The following COL17A1 variants were observed in gnomAD, a reference collection of about 807,000 sequenced individuals.
COL17A1 encodes the protein collagen type XVII alpha 1 chain.
Under a neutral mutation model 218.4 loss-of-function variants are expected in COL17A1, and 181 were observed. The ratio of observed to expected loss-of-function variants is 0.83; its 90% CI spans 0.73 to 0.94. The LOEUF is 0.94. Among genes scored for constraint, COL17A1 ranks in the 40% least tolerant of loss-of-function variants. The pLI is 0.00. For missense variants in COL17A1, 1,924 were observed against 1,945.9 expected (o/e 0.99, Z 0.21); for synonymous variants, 721 against 731.0 (o/e 0.99, Z 0.22).
chr10:104,071,047 C>T (rs541583350), intron 8 of COL17A1, among the ~76,000 whole-genome samples: 19 of 152,276 alleles, frequency 1.2e-4, no homozygotes, highest in East Asian at 7.7e-4. Flanking sequence ...GCTGTGTTCA[C>T]GTGTGATTTA....
rs767463193 is a variant in COL17A1, at chr10:104,032,282, C to G, written c.4447G>C (p.Val1483Leu). 6 of 1,614,036 alleles carry G rather than the reference C, an allele frequency of 3.7e-6. No individual in the cohort carries two copies. The Admixed American group carries it at 1.0e-4, about 27-fold the overall frequency. Residue 1483 changes from valine to leucine, a missense_variant, in exon 56 of 56, where the codon GTC (valine) becomes CTC (leucine). Val to Leu is a conservative substitution (Grantham distance 32). Coordinates refer to ENST00000648076, the MANE Select transcript of COL17A1 (RefSeq NM_000494.4). ...KGEKGDKGDQ[V>L]YAGRRRRRSI... ...CTTCTCCTTCTCCGCCCAGCATAGA[C>G]TTGGTCACCTGAAAGTTAGAAGATC...
rs1219867828 is a variant in COL17A1 at position 104,034,277 on chromosome 10, G to A, written c.3824C>T (p.Pro1275Leu). The stretch of plus-strand genomic sequence containing the variant: ...GGACAGGAGGCGGCTGTCCCCAGGG[G>A]GTCCCTGCGGCCCAGGAGGGCCTGG... ...GPPGPPGPQG[P>L]PGDSRLLSTD... Residue 1275 changes from proline (P) to leucine (L), a missense_variant, in exon 52 of 56, where the codon CCC becomes CTC. Physicochemically the swap from Pro to Leu is moderately conservative, Grantham distance 98 (BLOSUM62 -3). Transcript: ENST00000648076. 4 of 1,593,802 alleles carry A rather than the reference G, an allele frequency of 2.5e-6. No individual in the cohort carries two copies. Among genetic ancestry groups the A allele is most frequent in the Admixed American group, 3.5e-5 (2 of 57,562 alleles).
At chr10:104,048,775 T>C (rs956150352) in intron 29 of COL17A1, among the ~76,000 whole-genome samples, 1 of 151,986 alleles carries the variant, frequency 6.6e-6, no homozygotes, top group African/African-American at 2.4e-5. Context: ...GTACACATGC[T>C]GCATCTCCAC....
At chr10:104,074,495 G>A (rs559364237) in intron 5 of COL17A1, among the ~76,000 whole-genome samples, 8 of 152,304 alleles carry the variant, frequency 5.3e-5, no homozygotes, top group South Asian at 2.1e-4. Context: ...GAGAGCAGGA[G>A]GTTTTGGTTT....
chr10:104,052,627 C>A (rs1045773969), intron 23 of COL17A1, among the ~76,000 whole-genome samples: 1 of 152,274 alleles, frequency 6.6e-6, no homozygotes, highest in Admixed American at 6.5e-5. Context: ...ATGTCTGGGG[C>A]CTTCCCCACC....
At chr10:104,037,153 A>T in intron 46 of COL17A1, 40 bp from the exon 47 acceptor site, 1 of 1,550,094 alleles carries the variant, frequency 6.5e-7, no homozygotes. Flanking sequence ...CTTAGCAGGT[A>T]CTGAAGCAAC....
intron 20 of COL17A1, 59 bp from the exon 21 acceptor site, chr10:104,054,177 A>G (rs1282697268): frequency 4.5e-6 from 7 of 1,560,874 alleles, no homozygotes; most frequent in Non-Finnish European, 6.1e-6. Flanking sequence ...CCAATTCCCA[A>G]AGCAGTCACT....
intron 41 of COL17A1, 150 bp downstream of exon 41, chr10:104,039,823 G>A: frequency 3.2e-6 from 4 of 1,241,198 alleles, no homozygotes; most frequent in Non-Finnish European, 4.7e-6. Context: ...CTACACCCAT[G>A]CACACACTCA....
intron 5 of COL17A1, among the ~76,000 whole-genome samples, chr10:104,075,927 T>C (rs558953974): frequency 1.3e-5 from 2 of 152,362 alleles, no homozygotes; most frequent in East Asian, 1.9e-4. Flanking sequence ...AAAGTGATAA[T>C]CTCCATCTAC....
At chr10:104,048,509 C>T (rs187239236) in intron 29 of COL17A1, among the ~76,000 whole-genome samples, 39 of 152,300 alleles carry the variant, frequency 2.6e-4, no homozygotes, top group East Asian at 1.2e-3. Flanking sequence ...TTTCCCTGCT[C>T]GTGCTGTCAT....
Position 104,041,487 on chromosome 10 carries a change from G to C in COL17A1, c.2603C>G (p.Pro868Arg), listed in dbSNP as rs368857994. 3.7e-6 allele frequency: 6 copies of C among 1,606,832 alleles called. No homozygotes were observed. The Admixed American group carries it at 6.7e-5, about 18-fold the overall frequency. Residue 868 changes from proline to arginine, a missense_variant and splice_region_variant, in exon 37 of 56, where the codon CCA (proline) becomes CGA (arginine). Physicochemically the swap from Pro to Arg is moderately radical, Grantham distance 103. Transcript: ENST00000648076. ...CCAAAGGTCTCCAAGATACTCACCT[G>C]GTGGCCCGCGTGGGCCGGGTGGGCC... ...PPGPPGPRGPPGPSIPGPPGP... is the reference protein window; with the variant it reads ...PPGPPGPRGPRGPSIPGPPGP...
At chr10:104,048,619 T>A (rs574109791) in intron 29 of COL17A1, among the ~76,000 whole-genome samples, 19 of 152,252 alleles carry the variant, frequency 1.2e-4, no homozygotes, top group Non-Finnish European at 2.5e-4. Flanking sequence ...TTGGAAGAAA[T>A]CTCTCCTTTG....
intron 15 of COL17A1, 130 bp from the exon 16 acceptor site, chr10:104,058,320 A>T: frequency 9.1e-7 from 1 of 1,096,868 alleles, no homozygotes; most frequent in Non-Finnish European, 1.3e-6. Context: ...AGGAACATCC[A>T]GCATCTCAGT....
rs567382550 is a variant in COL17A1 at position 104,039,063 on chromosome 10, G to C, written c.2947+8C>G. 4 of 1,613,804 alleles carry C rather than the reference G, an allele frequency of 2.5e-6. No homozygotes were observed. Among genetic ancestry groups the C allele is most frequent in the African/African-American group, 1.3e-5 (1 of 74,894 alleles). On this transcript the variant is annotated splice_region_variant and intron_variant, in intron 44 of 55. Transcript: ENST00000648076. ...TGGAGAGGAACTTTGGTCACTTTCA[G>C]TTCTTACCTTCAGAAGGACCACTAG...
rs773583420 is a variant in COL17A1 at position 104,060,189 on chromosome 10, C to G, written c.1071G>C (p.Glu357Asp). The change falls in exon 14 of 56, where the codon GAG becomes GAC. Residue 357 changes from glutamate (E) to aspartate (D), a missense_variant. Physicochemically the swap from Glu to Asp is conservative, Grantham distance 45 (BLOSUM62 2). Transcript: ENST00000648076. ...CCTTGGTCATGATGAGCAGCTCCAT[C>G]TCCTTCTTGGCAGGTGTGTTGTCTT... The part of the protein sequence containing the change: ...LEKDNTPAKK[E>D]MELLIMTKDS... 5 of 1,614,180 alleles carry G rather than the reference C, an allele frequency of 3.1e-6. No individual in the cohort carries two copies. The highest frequency in any genetic ancestry group is 1.1e-5 in the South Asian group (1 of 91,086).
At chr10:104,077,611 C>A in intron 3 of COL17A1, 85 bp from the exon 4 acceptor site, 1 of 1,129,226 alleles carries the variant, frequency 8.9e-7, no homozygotes, top group Non-Finnish European at 1.3e-6. Flanking sequence ...GAAGGCTTCC[C>A]TGGTTTTTCA....
At position 104,041,542 on chromosome 10, in the gene COL17A1, T is replaced by G; in HGVS notation, c.2552-4A>C. ...GGACCTTGTAAATTAAGAACTTCTA[T>G]AGAGAGAAGAAAATAGAAATGAGCA... On this transcript the variant is annotated splice_region_variant and splice_polypyrimidine_tract_variant and intron_variant, in intron 36 of 55. Transcript: ENST00000648076. 6.2e-7 allele frequency: 1 copy of G among 1,612,092 alleles called. No homozygotes were observed. Among genetic ancestry groups the G allele is most frequent in the Non-Finnish European group, 8.5e-7 (1 of 1,178,274 alleles).
chr10:104,039,427 C>T lies in COL17A1; in HGVS notation c.2896+18G>A. On this transcript the variant is annotated intron_variant, in intron 43 of 55. Transcript: ENST00000648076. ...TCACCCCTACTCCTCACCACCTTCT[C>T]ACTGCTCCCTCACTGACCTTTGTCA... 6.2e-7 allele frequency: 1 copy of T among 1,613,458 alleles called. No homozygotes were observed. The highest frequency in any genetic ancestry group is 8.5e-7 in the Non-Finnish European group (1 of 1,179,700).
At position 104,047,812 on chromosome 10, in the gene COL17A1, T is replaced by A. The variant is rs1472108236; in HGVS notation, c.2264-2A>T. 6.2e-7 allele frequency: 1 copy of A among 1,613,730 alleles called. No homozygotes were observed. The highest frequency in any genetic ancestry group is 8.5e-7 in the Non-Finnish European group (1 of 1,179,700). On this transcript the variant is annotated splice_acceptor_variant, in intron 30 of 55. Coordinates refer to ENST00000648076, the MANE Select transcript of COL17A1 (RefSeq NM_000494.4). LOFTEE classifies it high-confidence loss of function. ...GCATCCCAGTAAGACCTTGTTCACC[T>A]AGAGAGAGAATGGCCAACGTGGAAG...
Sources: allele counts gnomAD v4.1 joint callset (sites outside exome capture counted in the v4.1 genomes callset), GRCh38; gene constraint gnomAD v4.1.1; transcripts MANE v1.5; gene names NCBI Gene and HGNC (gene_info 2026-07-23, HGNC 2026-07-21).